RNF220: variants seen among roughly 807,000 people sequenced by gnomAD.
RNF220 encodes the protein ring finger protein 220.
RNF220 carries 7 observed loss-of-function variants against 67.1 expected under a neutral mutation model. The ratio of observed to expected loss-of-function variants is 0.10; its 90% confidence interval spans 0.06 to 0.20. RNF220 has a LOEUF of 0.20. RNF220 is among the 10% of genes least tolerant of loss of function. The pLI, the probability that RNF220 is intolerant of heterozygous loss-of-function variation, is 1.00. For missense variants in RNF220, 565 were observed against 740.3 expected, an observed-to-expected ratio of 0.76 and a Z score of 2.75; for synonymous variants, 270 against 283.2, an observed-to-expected ratio of 0.95 and a Z score of 0.47.
intron 2 of RNF220, among the ~76,000 whole-genome samples, chr1:44,544,534 T>G (rs977342894): frequency 6.6e-6 from 1 of 152,232 alleles, no homozygotes; most frequent in Non-Finnish European, 1.5e-5. Context: ...TCAGCATTGC[T>G]CTGGGGCTAG....
At chr1:44,430,088 C>A (rs1650201810) in intron 2 of RNF220, among the ~76,000 whole-genome samples, 2 of 148,626 alleles carry the variant, frequency 1.3e-5, no homozygotes, top group South Asian at 2.1e-4. Context: ...AAAAAAAAAA[C>A]CTCATAGAAA....
chr1:44,508,005 G>T (rs975215764), intron 2 of RNF220, among the ~76,000 whole-genome samples: 1 of 152,276 alleles, frequency 6.6e-6, no homozygotes, highest in South Asian at 2.1e-4. Context: ...AGCCATCTGT[G>T]CTGGGGTAGG....
intron 5 of RNF220, chr1:44,631,852 G>C (rs1336126365): frequency 2.1e-6 from 2 of 963,594 alleles, no homozygotes; most frequent in Non-Finnish European, 2.5e-6. Flanking sequence ...ACCCCGGGGA[G>C]GCTTCTGCCG....
chr1:44,516,339 A>G (rs1030285802), intron 2 of RNF220, among the ~76,000 whole-genome samples: 5 of 152,220 alleles, frequency 3.3e-5, no homozygotes, highest in Non-Finnish European at 4.4e-5. Flanking sequence ...GCAAACACCT[A>G]AATCAACTAG....
chr1:44,438,532 G>A (rs1425758063), intron 2 of RNF220, among the ~76,000 whole-genome samples: 1 of 152,148 alleles, frequency 6.6e-6, no homozygotes, highest in Non-Finnish European at 1.5e-5. Flanking sequence ...ATACCTACTA[G>A]GTGCCAGGCA....
chr1:44,640,769 G>A (rs985123262), intron 8 of RNF220, among the ~76,000 whole-genome samples: 13 of 152,156 alleles, frequency 8.5e-5, no homozygotes, highest in African/African-American at 2.7e-4. Context: ...AATCGATGGC[G>A]TTTACACAAG....
chr1:44,404,913 T>G (rs548947656), upstream of RNF220, among the ~76,000 whole-genome samples: 49 of 152,230 alleles, frequency 3.2e-4, no homozygotes, highest in African/African-American at 1.1e-3. Context: ...CTTTGCCCAT[T>G]TACTCTTGGT....
intron 2 of RNF220, among the ~76,000 whole-genome samples, chr1:44,430,148 A>G (rs946540181): frequency 6.6e-6 from 1 of 151,974 alleles, no homozygotes; most frequent in Non-Finnish European, 1.5e-5. Context: ...AATGTCAGAG[A>G]GATACATATG....
chr1:44,612,271 G>T (rs1040632245), intron 2 of RNF220, among the ~76,000 whole-genome samples: 8 of 152,054 alleles, frequency 5.3e-5, no homozygotes, highest in Admixed American at 1.3e-4. Flanking sequence ...CCTCTCTTTT[G>T]CTTCATCATG....
intron 1 of RNF220, among the ~76,000 whole-genome samples, chr1:44,407,351 CA>C (rs899049332): frequency 2.0e-5 from 3 of 152,156 alleles, no homozygotes; most frequent in African/African-American, 7.2e-5. Flanking sequence ...GCAGAGTGGG[CA>C]GGGGGGCTTT....
intron 2 of RNF220, among the ~76,000 whole-genome samples, chr1:44,477,764 A>G (rs1198090971): frequency 6.6e-6 from 1 of 152,236 alleles, no homozygotes; most frequent in East Asian, 1.9e-4. Flanking sequence ...ACACAAGTAC[A>G]TGCTTGGGTC....
intron 2 of RNF220, among the ~76,000 whole-genome samples, chr1:44,478,657 G>A (rs1323590180): frequency 1.3e-5 from 2 of 152,178 alleles, no homozygotes; most frequent in African/African-American, 2.4e-5. Flanking sequence ...GGGAGGCAGA[G>A]GTTGCAGCAA....
At chr1:44,495,282 C>T (rs1443605800) in intron 2 of RNF220, among the ~76,000 whole-genome samples, 1 of 151,502 alleles carries the variant, frequency 6.6e-6, no homozygotes, top group African/African-American at 2.4e-5. Context: ...ATTTGGCTGG[C>T]AAGATAAATA....
At chr1:44,593,597 C>T (rs542478242) in intron 2 of RNF220, among the ~76,000 whole-genome samples, 1 of 152,198 alleles carries the variant, frequency 6.6e-6, no homozygotes, top group East Asian at 1.9e-4. Flanking sequence ...GTGGCACAGG[C>T]CTGTATCCCA....
At chr1:44,428,348 C>A (rs1650010581) in intron 2 of RNF220, among the ~76,000 whole-genome samples, 1 of 152,164 alleles carries the variant, frequency 6.6e-6, no homozygotes, top group Non-Finnish European at 1.5e-5. Flanking sequence ...GAGGAGGTGA[C>A]AGAATGCCTA....
intron 3 of RNF220, among the ~76,000 whole-genome samples, chr1:44,620,498 C>T (rs1237241446): frequency 2.0e-5 from 3 of 152,146 alleles, no homozygotes; most frequent in Non-Finnish European, 2.9e-5. Context: ...AAGGAGTGAA[C>T]GAATGATAAA....
chr1:44,458,354 A>G (rs1460807653), intron 2 of RNF220, among the ~76,000 whole-genome samples: 3 of 125,084 alleles, frequency 2.4e-5, no homozygotes, highest in Non-Finnish European at 5.0e-5. Flanking sequence ...TTTTTTTTTT[A>G]CTAATATCAT....
chr1:44,406,274 G>C (rs1441144239), intron 1 of RNF220, among the ~76,000 whole-genome samples: 1 of 152,202 alleles, frequency 6.6e-6, no homozygotes, highest in Non-Finnish European at 1.5e-5. Flanking sequence ...CTGCGGGCAG[G>C]AAGGAGGCAG....
intron 5 of RNF220, among the ~76,000 whole-genome samples, chr1:44,631,177 T>C (rs1285909019): frequency 6.6e-6 from 1 of 152,188 alleles, no homozygotes; most frequent in Non-Finnish European, 1.5e-5. Context: ...CCTGAAGTGG[T>C]CAGTCCACTG....
Sources: gnomAD v4.1 joint callset for allele counts (sites outside exome capture counted in the v4.1 genomes callset) on GRCh38, gnomAD v4.1.1 for gene constraint, MANE v1.5 for transcripts, NCBI Gene and HGNC (gene_info 2026-07-23, HGNC 2026-07-21) for gene names.